UGCG: variants seen among roughly 807,000 people sequenced by gnomAD.
The protein encoded by UGCG is ceramide glucosyltransferase.
In UGCG, 10 loss-of-function variants were observed where a neutral mutation model predicts 49.5. The ratio of observed to expected loss-of-function variants is 0.20; its 90% CI spans 0.12 to 0.34. UGCG has a LOEUF of 0.34. Among genes scored for constraint, UGCG ranks in the 10% least tolerant of loss-of-function variants. The pLI is 1.00. For missense variants in UGCG, 312 were observed against 483.7 expected (o/e 0.65, Z 3.33); for synonymous variants, 182 against 158.2 (o/e 1.15, Z -1.13).
chr9:111,921,801 G>GTTTTTTTTTTTTTTTTT (rs1564203243), intron 2 of UGCG, among the ~76,000 whole-genome samples: 14 of 48,048 alleles, frequency 2.9e-4, no homozygotes, highest in South Asian at 6.2e-4. Flanking sequence ...GCCCCAGGGT[G>GTTTTTTTTTTTTTTTTT]ATTTTTTTTT....
intron 2 of UGCG, chr9:111,915,004 T>A (rs772428579): frequency 8.4e-6 from 3 of 355,298 alleles, no homozygotes; most frequent in Non-Finnish European, 1.5e-5. Context: ...AACTCAGACA[T>A]TGTCAAGTGC....
At chr9:111,899,392 T>G (rs1449626147) in intron 1 of UGCG, among the ~76,000 whole-genome samples, 1 of 152,222 alleles carries the variant, frequency 6.6e-6, no homozygotes, top group Non-Finnish European at 1.5e-5. Context: ...TCCTTTAAAG[T>G]TACATTGAGC....
At position 111,935,245 on chromosome 9, in the gene UGCG, A is replaced by G. The variant is rs1488444560; in HGVS notation, c.*2248A>G. ...TTGAAGAAAGCATCACAACAGAACT[A>G]TAGGAGTCTAAATTTAATAAATCTT... On this transcript the variant is annotated 3_prime_UTR_variant, in exon 9 of 9. Coordinates refer to ENST00000374279, the MANE Select transcript of UGCG (RefSeq NM_003358.3). The G allele has an allele frequency of 1.3e-5, 2 of 152,230 alleles. No homozygotes were observed. The highest frequency in any genetic ancestry group is 2.9e-5 in the Non-Finnish European group (2 of 68,042). The allele number at this position is 152,230 out of a possible 1,614,324, so 9.4% of individuals were successfully genotyped here. A position where few individuals can be genotyped will look rare whatever the true frequency, so the allele number is the denominator to read the frequency against.
rs551358447 is a variant in UGCG, at chr9:111,911,742, T to A, written c.99-2863T>A. Among the ~76,000 whole-genome samples, 278 of 150,676 alleles carry A rather than the reference T, an allele frequency of 1.8e-3. 6 individuals carry two copies. The East Asian group carries it at 0.033, about 18-fold the overall frequency. ...GTGAGACCCCATCTCCATAAAAAAA[T>A]AAAAAAATTAGCCTGGTGTGGTGGA... is the stretch of plus-strand genomic sequence containing the variant. On this transcript the variant is annotated intron_variant, in intron 1 of 8. Transcript: ENST00000374279.
rs201809437 is a variant in UGCG, at chr9:111,898,038, GAGC to G, written c.98+728_98+730del. Among the ~76,000 whole-genome samples the G allele has an allele frequency of 9.2e-3, 1,377 of 148,960 alleles. 23 individuals are homozygous for G. The highest frequency in any genetic ancestry group is 0.031 in the African/African-American group (1,262 of 40,106). On this transcript the variant is annotated intron_variant, in intron 1 of 8. Transcript: ENST00000374279. The stretch of plus-strand genomic sequence containing the variant: ...GTTATTGGCCAGGGGACATGGTGGT[GAGC>G]AGGACAGAATTCCTGTCCTCATGAG...
intron 3 of UGCG, among the ~76,000 whole-genome samples, chr9:111,924,514 A>G (rs1037443338): frequency 1.3e-5 from 2 of 152,184 alleles, no homozygotes. Context: ...ATATTGACTC[A>G]TACTTAACTA....
At chr9:111,915,387 T>C (rs531007191) in intron 2 of UGCG, among the ~76,000 whole-genome samples, 45 of 152,370 alleles carry the variant, frequency 3.0e-4, no homozygotes, top group Non-Finnish European at 5.3e-4. Flanking sequence ...GTAGTCCACC[T>C]GTAGTTTCTT....
intron 1 of UGCG, among the ~76,000 whole-genome samples, chr9:111,899,835 G>T (rs1308264348): frequency 2.6e-5 from 4 of 152,076 alleles, no homozygotes; most frequent in Admixed American, 2.6e-4. Flanking sequence ...TTAGAGACTT[G>T]TCCAGAATTA....
At chr9:111,915,673 T>C in intron 2 of UGCG, 5 of 605,160 alleles carry the variant, frequency 8.3e-6, no homozygotes, top group Non-Finnish European at 1.0e-5. Flanking sequence ...TTGGACAGGG[T>C]AGCTCAAATA....
At chr9:111,914,379 A>G (rs980959903) in intron 1 of UGCG, among the ~76,000 whole-genome samples, 11 of 152,212 alleles carry the variant, frequency 7.2e-5, no homozygotes, top group African/African-American at 2.4e-4. Context: ...AAAAATCGCA[A>G]AAAATCTCAT....
At chr9:111,917,133 A>G (rs117842175) in intron 2 of UGCG, among the ~76,000 whole-genome samples, 2,807 of 152,326 alleles carry the variant, frequency 0.018, 49 homozygotes, top group Non-Finnish European at 0.029. Flanking sequence ...CTATTTTGAC[A>G]TTCATTGTAA....
chr9:111,922,772 T>G (rs967173548), intron 2 of UGCG, 77 bp from the exon 3 acceptor site: 1 of 1,021,446 alleles, frequency 9.8e-7, no homozygotes, highest in African/African-American at 1.7e-5. Flanking sequence ...TTCCTGTGCT[T>G]TTTGTTCAAT....
intron 6 of UGCG, 134 bp from the exon 7 acceptor site, chr9:111,931,137 G>A (rs1251226449): frequency 1.3e-6 from 1 of 763,418 alleles, no homozygotes; most frequent in Non-Finnish European, 2.1e-6. Context: ...TAAGTCATGT[G>A]CTAATCATGA....
In UGCG at chr9:111,932,280, G is replaced by A. The variant is rs202170400; in HGVS notation, c.935G>A (p.Arg312Lys). The A allele has an allele frequency of 1.2e-6, 2 of 1,614,162 alleles. No homozygotes were observed. The highest frequency in any genetic ancestry group is 8.5e-7 in the Non-Finnish European group (1 of 1,180,012). ...GGATGGGCAGCCCACCATGTGTTCA[G>A]ATGGGATATTATGGTATTTTTCATG... ...IIGWAAHHVF[R>K]WDIMVFFMCH... Residue 312 changes from arginine (R) to lysine (K), a missense_variant, in exon 8 of 9, where the codon AGA (arginine) becomes AAA (lysine). Arg to Lys is a conservative substitution (Grantham distance 26). Transcript: ENST00000374279.
intron 1 of UGCG, among the ~76,000 whole-genome samples, chr9:111,905,184 A>G (rs1443610553): frequency 6.6e-6 from 1 of 152,118 alleles, no homozygotes; most frequent in Non-Finnish European, 1.5e-5. Flanking sequence ...CCATTCATTT[A>G]CTTTTTAACC....
At chr9:111,923,152 C>T (rs1258329410) in intron 3 of UGCG, among the ~76,000 whole-genome samples, 4 of 151,550 alleles carry the variant, frequency 2.6e-5, no homozygotes, top group African/African-American at 9.7e-5. Context: ...AACAAAATCA[C>T]ACACAAAATA....
chr9:111,925,248 A>G (rs1049760114), intron 4 of UGCG, among the ~76,000 whole-genome samples: 3 of 152,220 alleles, frequency 2.0e-5, no homozygotes, highest in Non-Finnish European at 4.4e-5. Flanking sequence ...AGGGACAGAA[A>G]TTAATAGGTG....
intron 1 of UGCG, among the ~76,000 whole-genome samples, chr9:111,906,026 T>C (rs1028867609): frequency 6.6e-6 from 1 of 152,224 alleles, no homozygotes; most frequent in African/African-American, 2.4e-5. Context: ...GTTTCTCCAG[T>C]TGTAGTTTAC....
chr9:111,917,094 TATATC>T (rs1331268575), intron 2 of UGCG, among the ~76,000 whole-genome samples: 3 of 152,204 alleles, frequency 2.0e-5, no homozygotes, highest in African/African-American at 7.2e-5. Context: ...TCCATTTAGT[TATATC>T]ATTTAAGTGG....
Sources: gnomAD v4.1 joint callset for allele counts (sites outside exome capture counted in the v4.1 genomes callset) on GRCh38, gnomAD v4.1.1 for gene constraint, MANE v1.5 for transcripts, NCBI Gene and HGNC (gene_info 2026-07-23, HGNC 2026-07-21) for gene names.